Variants in AKAP13 observed in about 807,000 individuals in gnomAD.
AKAP13 encodes the protein A-kinase anchor protein 13.
AKAP13 carries 80 observed loss-of-function variants against 264.5 expected under a neutral mutation model. That is an observed-to-expected ratio of 0.30 (90% confidence interval 0.25 to 0.36). The LOEUF is 0.36. AKAP13 is among the 10% of genes least tolerant of loss of function. AKAP13 has a pLI of 1.00. For synonymous variants in AKAP13, 1,380 were observed against 1,250.2 expected (o/e 1.10, Z -2.19); for missense variants, 3,712 against 3,435.2 (o/e 1.08, Z -2.01).
intron 5 of AKAP13, among the ~76,000 whole-genome samples, chr15:85,567,414 G>T (rs769150796): frequency 1.3e-5 from 2 of 152,092 alleles, no homozygotes; most frequent in Non-Finnish European, 2.9e-5. Context: ...CCACAAGTGC[G>T]GTTTTGTTAC....
In AKAP13 at chr15:85,604,467, T is replaced by TGC. The variant is rs781667895; in HGVS notation, c.4161+18644_4161+18645insGC. Among the ~76,000 whole-genome samples the TGC allele has an allele frequency of 2.8e-3, 387 of 139,658 alleles. 9 individuals carry two copies. In the East Asian group the frequency reaches 0.07, roughly 25 times the overall value. The allele number at this position is 139,658 out of a possible 152,430, so 91.6% of individuals were successfully genotyped here. On this transcript the variant is annotated intron_variant, in intron 8 of 36. Transcript: ENST00000394518. ...AATCAAAAGCTGCTGCTGCTGCTGC[T>TGC]TTTTTTTTTTTTTTAAGTTGGAGCC...
At chr15:85,535,708 G>T (rs2077367363) in intron 4 of AKAP13, 1 of 151,918 alleles carries the variant, frequency 6.6e-6, no homozygotes, top group Admixed American at 6.6e-5. Context: ...GGGCCCAGGA[G>T]TTGGATAGTT....
chr15:85,589,710 G>GAAAAAA (rs59703416), intron 8 of AKAP13, among the ~76,000 whole-genome samples: 1 of 99,896 alleles, frequency 1.0e-5, no homozygotes, highest in Non-Finnish European at 2.0e-5. Context: ...ACTCTGTCTT[G>GAAAAAA]AAAAAAAAAA....
rs2089226551 is a variant in AKAP13 at position 85,743,734 on chromosome 15, C to T, written c.8301C>T (p.Thr2767=). 1 of 1,614,118 alleles carries T rather than the reference C, an allele frequency of 6.2e-7. No individual in the cohort carries two copies. ...GGCAGAGCCAGGCCCCTGCGTCCAC[C>T]TCTGCCTCTACCCGCCTGTTTGGGT... The part of the protein sequence containing the change: ...PEGQSQAPAS[T]SASTRLFGLT... Residue 2767 remains threonine, a synonymous_variant, in exon 36 of 37, where the codon ACC becomes ACT. Coordinates refer to ENST00000394518, the MANE Select transcript of AKAP13 (RefSeq NM_007200.5).
At chr15:85,660,546 C>G (rs934236391) in intron 12 of AKAP13, among the ~76,000 whole-genome samples, 2 of 151,942 alleles carry the variant, frequency 1.3e-5, no homozygotes, top group Admixed American at 6.6e-5. Context: ...TGTTCAGTTA[C>G]TGATTTGCCA....
At chr15:85,613,921 G>A (rs1446946203) in intron 8 of AKAP13, among the ~76,000 whole-genome samples, 1 of 151,722 alleles carries the variant, frequency 6.6e-6, no homozygotes, top group East Asian at 1.9e-4. Flanking sequence ...TTATTTGAGA[G>A]AATATATCTA....
At chr15:85,729,520 C>T (rs538619192) in intron 29 of AKAP13, among the ~76,000 whole-genome samples, 11 of 152,044 alleles carry the variant, frequency 7.2e-5, no homozygotes, top group Admixed American at 1.3e-4. Flanking sequence ...GCCACGTGGG[C>T]GCCATGGTCT....
chr15:85,421,655 CTT>C (rs1261866159), intron 1 of AKAP13, among the ~76,000 whole-genome samples: 5 of 152,230 alleles, frequency 3.3e-5, no homozygotes, highest in African/African-American at 1.2e-4. Context: ...AATATTCACT[CTT>C]GTCCAGATTT....
chr15:85,459,070 G>C (rs1022289760), intron 1 of AKAP13, among the ~76,000 whole-genome samples: 1 of 152,142 alleles, frequency 6.6e-6, no homozygotes, highest in South Asian at 2.1e-4. Flanking sequence ...ATGAACTTTA[G>C]ATCCCTATAT....
chr15:85,686,015 A>G (rs1015261702), intron 16 of AKAP13, among the ~76,000 whole-genome samples: 4 of 152,170 alleles, frequency 2.6e-5, no homozygotes, highest in African/African-American at 7.2e-5. Context: ...AACTGATTCC[A>G]TTTCAAGTCC....
intron 5 of AKAP13, among the ~76,000 whole-genome samples, chr15:85,561,216 C>A (rs1052977957): frequency 6.6e-6 from 1 of 152,116 alleles, no homozygotes; most frequent in African/African-American, 2.4e-5. Context: ...CGCCACCACA[C>A]CTGGCTAATT....
Position 85,727,044 on chromosome 15 carries a change from T to C in AKAP13, c.6823-22T>C, listed in dbSNP as rs1269057051. The stretch of plus-strand genomic sequence containing the variant: ...AGAATATTGTATATGTATCTTTTAT[T>C]TGCCCTCTTCCCTTTTTCCAGGACC... On this transcript the variant is annotated intron_variant, in intron 27 of 36. Coordinates refer to ENST00000394518, the MANE Select transcript of AKAP13 (RefSeq NM_007200.5). This position sits in a 1 kb window ranked among gnomAD's most constrained non-coding sequence, Gnocchi z 5.3. 1 of 1,613,680 alleles carries C rather than the reference T, an allele frequency of 6.2e-7. No homozygotes were observed. Among genetic ancestry groups the C allele is most frequent in the Admixed American group, 1.7e-5 (1 of 60,006 alleles).
intron 17 of AKAP13, among the ~76,000 whole-genome samples, chr15:85,705,279 T>A (rs2086164749): frequency 6.6e-6 from 1 of 152,132 alleles, no homozygotes; most frequent in African/African-American, 2.4e-5. Flanking sequence ...CTGTAGGGTG[T>A]TGGAACTGGT....
Position 85,580,525 on chromosome 15 carries a change from T to A in AKAP13, c.2457T>A (p.His819Gln). 1 of 1,614,178 alleles carries A rather than the reference T, an allele frequency of 6.2e-7. No individual in the cohort carries two copies. The highest frequency in any genetic ancestry group is 1.1e-5 in the South Asian group (1 of 91,078). Residue 819 changes from histidine to glutamine, a missense_variant, in exon 7 of 37, where the codon CAT becomes CAA. Transcript: ENST00000394518. ...KEKGTATPEL[H>Q]TATDYRDGPD... ...AGGGAACAGCAACTCCTGAACTACA[T>A]ACAGCTACAGATTATAGAGATGGCC... is the stretch of plus-strand genomic sequence containing the variant.
At chr15:85,432,101 T>A (rs977555582) in intron 1 of AKAP13, among the ~76,000 whole-genome samples, 2 of 152,146 alleles carry the variant, frequency 1.3e-5, no homozygotes, top group Non-Finnish European at 2.9e-5. Context: ...CTCATTTCTT[T>A]TTTTTTAGAA....
At chr15:85,562,603 A>ATC (rs2078429785) in intron 5 of AKAP13, among the ~76,000 whole-genome samples, 1 of 138,090 alleles carries the variant, frequency 7.2e-6, no homozygotes, top group African/African-American at 2.6e-5. Flanking sequence ...ATATATATAT[A>ATC]TATCTCTGTC....
chr15:85,424,720 C>G (rs2072689501), intron 1 of AKAP13, among the ~76,000 whole-genome samples: 1 of 152,216 alleles, frequency 6.6e-6, no homozygotes, highest in Non-Finnish European at 1.5e-5. Context: ...CTGCCTGTCT[C>G]AGCTTTTGAC....
intron 8 of AKAP13, among the ~76,000 whole-genome samples, chr15:85,596,066 G>T (rs1216107945): frequency 6.6e-6 from 1 of 152,152 alleles, no homozygotes; most frequent in Non-Finnish European, 1.5e-5. Flanking sequence ...CTGTGGACCT[G>T]AGCAACTGGG....
At chr15:85,407,176 C>T (rs1254016124) in intron 1 of AKAP13, among the ~76,000 whole-genome samples, 1 of 150,642 alleles carries the variant, frequency 6.6e-6, no homozygotes, top group East Asian at 1.9e-4. Flanking sequence ...TTGTGGTATA[C>T]AGGCTTCTAA....
Sources: gnomAD v4.1 joint callset for allele counts (sites outside exome capture counted in the v4.1 genomes callset) on GRCh38, gnomAD v4.1.1 for gene constraint, Gnocchi (gnomAD v3.1) non-coding constraint, MANE v1.5 for transcripts, NCBI Gene and HGNC (gene_info 2026-07-23, HGNC 2026-07-21) for gene names.